Variants in ETV6 observed in about 807,000 individuals in gnomAD.
ETV6 encodes transcription factor ETV6.
Under a neutral mutation model 51.1 loss-of-function variants are expected in ETV6, and 16 were observed. The observed-to-expected ratio is 0.31, with a 90% CI of 0.21 to 0.48. ETV6 has a LOEUF of 0.48. ETV6 is among the 20% of genes least tolerant of loss of function. The pLI, the probability that ETV6 is intolerant of heterozygous loss-of-function variation, is 0.99. For missense variants in ETV6, 458 were observed against 594.8 expected, an observed-to-expected ratio of 0.77 and a Z score of 2.39; for synonymous variants, 240 against 224.1, an observed-to-expected ratio of 1.07 and a Z score of -0.64.
At chr12:11,797,006 C>T (rs1008477883) in intron 2 of ETV6, among the ~76,000 whole-genome samples, 1 of 152,112 alleles carries the variant, frequency 6.6e-6, no homozygotes, top group African/African-American at 2.4e-5. Flanking sequence ...CATGCCTGGC[C>T]TAGGGTAATT....
chr12:11,679,878 G>A (rs555700261), intron 1 of ETV6, among the ~76,000 whole-genome samples: 2 of 152,238 alleles, frequency 1.3e-5, no homozygotes, highest in South Asian at 2.1e-4. Context: ...GTGTTCACAC[G>A]CTTTCTCATT....
chr12:11,809,917 T>A (rs1268399834), intron 2 of ETV6, among the ~76,000 whole-genome samples: 5 of 148,620 alleles, frequency 3.4e-5, no homozygotes, highest in African/African-American at 1.0e-4. Context: ...CCTCCCAGAT[T>A]CAAGCAATTC....
At chr12:11,769,705 T>A (rs1440363125) in intron 2 of ETV6, among the ~76,000 whole-genome samples, 1 of 152,224 alleles carries the variant, frequency 6.6e-6, no homozygotes, top group Non-Finnish European at 1.5e-5. Context: ...AAAATACTCT[T>A]GAAATGCTGT....
At chr12:11,888,206 A>G (rs908569991) in intron 7 of ETV6, among the ~76,000 whole-genome samples, 5 of 152,134 alleles carry the variant, frequency 3.3e-5, no homozygotes, top group Non-Finnish European at 4.4e-5. Context: ...ACAGTTCCCT[A>G]TGCCAGAAAT....
intron 7 of ETV6, among the ~76,000 whole-genome samples, chr12:11,890,124 ATTTTT>A (rs34570955): frequency 1.5e-5 from 2 of 131,066 alleles, no homozygotes; most frequent in Middle Eastern, 3.6e-3. Flanking sequence ...ATTGTAAAAG[ATTTTT>A]TTTTTTTTTT....
Position 11,707,911 on chromosome 12 carries a change from T to C in ETV6, c.34-44539T>C, listed in dbSNP as rs1212066716. 2.0e-5 allele frequency among the ~76,000 whole-genome samples: 3 copies of C among 152,256 alleles called. No individual in the cohort carries two copies. The East Asian group carries it at 5.8e-4, about 29-fold the overall frequency. On this transcript the variant is annotated intron_variant, in intron 1 of 7. Transcript: ENST00000396373. ...GTTATGATAATTTTAATCTCAACTT[T>C]GTCTCCTCCTATCTTATGGCAGTAA...
intron 1 of ETV6, among the ~76,000 whole-genome samples, chr12:11,650,578 T>G (rs1166389111): frequency 1.4e-5 from 2 of 146,068 alleles, no homozygotes; most frequent in Non-Finnish European, 3.0e-5. Context: ...CGAGGGGTGG[T>G]CGTCTTAGAA....
chr12:11,863,791 A>C (rs1280877830), intron 4 of ETV6, among the ~76,000 whole-genome samples: 1 of 152,216 alleles, frequency 6.6e-6, no homozygotes, highest in Non-Finnish European at 1.5e-5. Context: ...TTATAATAAC[A>C]GAGGCGGCAG....
At chr12:11,853,058 G>A (rs542278283) in intron 3 of ETV6, among the ~76,000 whole-genome samples, 2 of 152,102 alleles carry the variant, frequency 1.3e-5, no homozygotes, top group South Asian at 2.1e-4. Flanking sequence ...GTGTTGGTTC[G>A]CACCTGTAGT....
intron 1 of ETV6, among the ~76,000 whole-genome samples, chr12:11,680,790 C>G (rs1225192409): frequency 6.6e-6 from 1 of 152,204 alleles, no homozygotes; most frequent in African/African-American, 2.4e-5. Context: ...AGCCCTCTCC[C>G]TAGCCTGTCT....
intron 2 of ETV6, among the ~76,000 whole-genome samples, chr12:11,811,633 A>T (rs988331730): frequency 1.3e-5 from 2 of 152,156 alleles, no homozygotes; most frequent in African/African-American, 4.8e-5. Flanking sequence ...TGAAGCAGGG[A>T]TGTGTAGATC....
intron 1 of ETV6, among the ~76,000 whole-genome samples, chr12:11,686,993 C>G (rs1424467723): frequency 6.6e-6 from 1 of 152,164 alleles, no homozygotes; most frequent in African/African-American, 2.4e-5. Flanking sequence ...TCAAGTGATT[C>G]TCCTGCCTCT....
chr12:11,678,781 T>C (rs1458700182), intron 1 of ETV6, among the ~76,000 whole-genome samples: 1 of 152,134 alleles, frequency 6.6e-6, no homozygotes, highest in African/African-American at 2.4e-5. Flanking sequence ...ACCAGGGGAA[T>C]TGATGGTATA....
At chr12:11,655,091 G>A (rs1051843882) in intron 1 of ETV6, among the ~76,000 whole-genome samples, 3 of 152,144 alleles carry the variant, frequency 2.0e-5, no homozygotes, top group Non-Finnish European at 4.4e-5. Context: ...GGGGGCACAG[G>A]GTTGCTGAGA....
intron 3 of ETV6, among the ~76,000 whole-genome samples, chr12:11,841,857 C>T (rs951376269): frequency 2.0e-5 from 3 of 151,850 alleles, no homozygotes; most frequent in Non-Finnish European, 4.4e-5. Context: ...CCGAGGCGGG[C>T]GGATCACGAG....
intron 1 of ETV6, among the ~76,000 whole-genome samples, chr12:11,747,012 C>A (rs765683478): frequency 6.6e-6 from 1 of 152,068 alleles, no homozygotes; most frequent in African/African-American, 2.4e-5. Context: ...TCTACATAAA[C>A]TAGAGAAAGG....
chr12:11,700,262 G>C (rs1864954084), intron 1 of ETV6, among the ~76,000 whole-genome samples: 1 of 152,332 alleles, frequency 6.6e-6, no homozygotes. Flanking sequence ...GGGGGTACAA[G>C]TGCAGTTTTG....
chr12:11,695,852 G>A (rs971903799), intron 1 of ETV6, among the ~76,000 whole-genome samples: 10 of 152,156 alleles, frequency 6.6e-5, no homozygotes, highest in South Asian at 2.1e-4. Context: ...GGTCAGCAGC[G>A]CTTAGCATGT....
chr12:11,840,183 C>T (rs1190455624), intron 3 of ETV6, among the ~76,000 whole-genome samples: 2 of 152,186 alleles, frequency 1.3e-5, no homozygotes, highest in Non-Finnish European at 2.9e-5. Context: ...TCCTCGGGCT[C>T]ATCTGACTCA....
Sources: gnomAD v4.1 joint callset for allele counts (sites outside exome capture counted in the v4.1 genomes callset) on GRCh38, gnomAD v4.1.1 for gene constraint, MANE v1.5 for transcripts, NCBI Gene and HGNC (gene_info 2026-07-23, HGNC 2026-07-21) for gene names.